HDAC9: variants seen among roughly 807,000 people sequenced by gnomAD.
HDAC9 encodes the protein MEF-2 interacting transcription repressor (MITR) protein.
A neutral mutation model predicts 139.4 loss-of-function variants in HDAC9; 41 were observed. The ratio of observed to expected loss-of-function variants is 0.29; its 90% CI spans 0.23 to 0.38. The LOEUF is 0.38. Ranked by LOEUF, HDAC9 falls within the 10% of genes least tolerant of loss-of-function variation. The pLI is 1.00. For synonymous variants in HDAC9, 517 were observed against 476.2 expected (o/e 1.09, Z -1.12); for missense variants, 1,147 against 1,297.0 (o/e 0.88, Z 1.78).
chr7:18,688,860 T>TG, intron 12 of HDAC9, among the ~76,000 whole-genome samples: 1 of 151,916 alleles, frequency 6.6e-6, no homozygotes. Context: ...TATCTTTCCA[T>TG]GAGACACTTG....
intron 6 of HDAC9, among the ~76,000 whole-genome samples, chr7:18,604,396 A>G (rs907506649): frequency 1.1e-4 from 17 of 150,716 alleles, no homozygotes; most frequent in African/African-American, 4.1e-4. Flanking sequence ...TCTACTGATG[A>G]GCACATTTGG....
chr7:18,604,432 A>G (rs544970019), intron 6 of HDAC9, among the ~76,000 whole-genome samples: 1 of 147,944 alleles, frequency 6.8e-6, no homozygotes, highest in Non-Finnish European at 1.5e-5. Context: ...CTTGAGACGG[A>G]GTCTTGCTCT....
chr7:18,442,762 G>C (rs1791908422), intron 1 of HDAC9, among the ~76,000 whole-genome samples: 1 of 152,126 alleles, frequency 6.6e-6, no homozygotes, highest in South Asian at 2.1e-4. Context: ...TTCTCTCTGA[G>C]GTTTTCAGTG....
At chr7:18,485,617 T>G (rs1291458370) in intron 1 of HDAC9, among the ~76,000 whole-genome samples, 2 of 151,788 alleles carry the variant, frequency 1.3e-5, no homozygotes, top group Admixed American at 6.6e-5. Flanking sequence ...TAGTTCTAAT[T>G]TATGTATTAA....
At chr7:18,655,753 A>G (rs1194474751) in intron 11 of HDAC9, among the ~76,000 whole-genome samples, 1 of 152,156 alleles carries the variant, frequency 6.6e-6, no homozygotes, top group Non-Finnish European at 1.5e-5. Flanking sequence ...TTCACTCTGC[A>G]CTGTTAATCT....
intron 1 of HDAC9, among the ~76,000 whole-genome samples, chr7:18,088,405 G>A (rs1268818872): frequency 6.6e-6 from 1 of 152,128 alleles, no homozygotes; most frequent in Non-Finnish European, 1.5e-5. Context: ...GCACTGTCAT[G>A]TTTTCAAATC....
At chr7:18,934,956 C>T (rs1224791131) in intron 22 of HDAC9, among the ~76,000 whole-genome samples, 2 of 152,030 alleles carry the variant, frequency 1.3e-5, no homozygotes, top group South Asian at 2.1e-4. Context: ...CATATAATGG[C>T]CTACTAGACA....
chr7:18,139,121 C>CTTTTTTT (rs552350047), intron 1 of HDAC9, among the ~76,000 whole-genome samples: 2 of 105,926 alleles, frequency 1.9e-5, no homozygotes, highest in Non-Finnish European at 3.8e-5. Flanking sequence ...ATAATCTGGA[C>CTTTTTTT]TTTTTTTTTT....
chr7:18,371,411 A>T (rs74769565), intron 1 of HDAC9, among the ~76,000 whole-genome samples: 2,048 of 152,302 alleles, frequency 0.013, 22 homozygotes, highest in Non-Finnish European at 0.017. Context: ...GGTTAAATGC[A>T]TTAACTAAAT....
Position 18,836,117 on chromosome 7 carries a change from A to G in HDAC9, c.2684+120A>G, listed in dbSNP as rs892593054. The stretch of plus-strand genomic sequence containing the variant: ...AAGGTAAATTATCGCTCAAAGCCAC[A>G]TAAGAATATGTATAAGAAGAAAAGA... On this transcript the variant is annotated intron_variant, in intron 21 of 25. Transcript: ENST00000686413. 6.8e-6 allele frequency: 4 copies of G among 586,296 alleles called. No individual in the cohort carries two copies. In the Admixed American group the frequency reaches 9.6e-5, roughly 14 times the overall value. 36.3% of individuals were successfully genotyped at this position (586,296 alleles called of 1,614,324 possible).
At chr7:18,657,528 A>G (rs1462831712) in intron 11 of HDAC9, among the ~76,000 whole-genome samples, 1 of 152,178 alleles carries the variant, frequency 6.6e-6, no homozygotes, top group African/African-American at 2.4e-5. Context: ...GATCCTAAAG[A>G]TTATCAGGGA....
intron 1 of HDAC9, among the ~76,000 whole-genome samples, chr7:18,421,263 T>C (rs1789589818): frequency 6.6e-6 from 1 of 152,064 alleles, no homozygotes; most frequent in South Asian, 2.1e-4. Flanking sequence ...AAGAAACAGG[T>C]AAATTTCAAA....
intron 2 of HDAC9, among the ~76,000 whole-genome samples, chr7:18,514,195 A>C (rs962448441): frequency 6.6e-6 from 1 of 152,196 alleles, no homozygotes; most frequent in Non-Finnish European, 1.5e-5. Flanking sequence ...TACAACTGTA[A>C]TTGAACTATT....
intron 1 of HDAC9, among the ~76,000 whole-genome samples, chr7:18,339,231 T>G (rs1781809660): frequency 6.6e-6 from 1 of 151,436 alleles, no homozygotes; most frequent in Non-Finnish European, 1.5e-5. Context: ...TTCATTGATT[T>G]TCTCTATTGT....
At chr7:18,189,456 T>TTTTG (rs139878468) in intron 2 of HDAC9, among the ~76,000 whole-genome samples, 54 of 152,140 alleles carry the variant, frequency 3.5e-4, no homozygotes, top group African/African-American at 1.1e-3. Flanking sequence ...TGTATCCTGT[T>TTTTG]TTTGTTTGTT....
At chr7:18,856,190 G>C (rs1351397019) in intron 21 of HDAC9, among the ~76,000 whole-genome samples, 2 of 152,026 alleles carry the variant, frequency 1.3e-5, no homozygotes, top group South Asian at 2.1e-4. Flanking sequence ...TCACGCTAAG[G>C]CTCACAGCCC....
chr7:18,412,309 TAAAC>T (rs1206518716), intron 1 of HDAC9, among the ~76,000 whole-genome samples: 3 of 151,944 alleles, frequency 2.0e-5, no homozygotes, highest in Non-Finnish European at 4.4e-5. Flanking sequence ...AGTAGATAAA[TAAAC>T]AAACAATATA....
chr7:18,861,887 A>G (rs893323819), intron 21 of HDAC9, among the ~76,000 whole-genome samples: 7 of 152,188 alleles, frequency 4.6e-5, no homozygotes, highest in Admixed American at 2.6e-4. Context: ...ATTATGATAT[A>G]TTGCGTTACA....
intron 1 of HDAC9, among the ~76,000 whole-genome samples, chr7:18,487,701 C>A (rs1030177484): frequency 2.0e-5 from 3 of 151,998 alleles, no homozygotes; most frequent in African/African-American, 4.8e-5. Flanking sequence ...CCAATTAGAT[C>A]GAATTATGAA....
Sources: allele counts gnomAD v4.1 joint callset (sites outside exome capture counted in the v4.1 genomes callset), GRCh38; gene constraint gnomAD v4.1.1; transcripts MANE v1.5; gene names NCBI Gene and HGNC (gene_info 2026-07-23, HGNC 2026-07-21).